FGD4: variants seen among roughly 807,000 people sequenced by gnomAD.
FGD4 encodes the protein FYVE, RhoGEF and PH domain-containing protein 4.
Under a neutral mutation model 102.0 loss-of-function variants are expected in FGD4, and 42 were observed. The ratio of observed to expected loss-of-function variants is 0.41; its 90% CI spans 0.32 to 0.53. The LOEUF (loss-of-function observed/expected upper bound fraction) is 0.53, where lower values mean the gene tolerates loss of function less well. FGD4 is among the 20% of genes least tolerant of loss of function. The probability of loss-of-function intolerance (pLI) is 0.21; values close to 1 mark genes in which losing one functional copy is unlikely to be tolerated. For missense variants in FGD4, 902 were observed against 1,078.2 expected (o/e 0.84, Z 2.29); for synonymous variants, 380 against 375.7 (o/e 1.01, Z -0.13).
intron 1 of FGD4, among the ~76,000 whole-genome samples, chr12:32,485,691 G>C (rs1458567187): frequency 6.6e-6 from 1 of 151,872 alleles, no homozygotes; most frequent in Non-Finnish European, 1.5e-5. Flanking sequence ...TGACCCACCC[G>C]CCTAGGCCTC....
At chr12:32,627,092 C>T (rs1424016910) in intron 14 of FGD4, among the ~76,000 whole-genome samples, 2 of 152,096 alleles carry the variant, frequency 1.3e-5, no homozygotes, top group African/African-American at 2.4e-5. Context: ...AGGTGATCCG[C>T]CCGCCTCGGC....
At chr12:32,481,104 G>T (rs2136545763) in intron 1 of FGD4, among the ~76,000 whole-genome samples, 1 of 129,008 alleles carries the variant, frequency 7.8e-6, no homozygotes, top group East Asian at 2.3e-4. Context: ...CTCCAGCCTG[G>T]GTGACAGAGT....
chr12:32,488,668 C>T (rs541664493), intron 1 of FGD4, among the ~76,000 whole-genome samples: 1 of 152,154 alleles, frequency 6.6e-6, no homozygotes, highest in Admixed American at 6.5e-5. Flanking sequence ...TGGCTGGGCA[C>T]GGTGGCTCAC....
intron 1 of FGD4, among the ~76,000 whole-genome samples, chr12:32,510,010 TAG>T (rs1939193297): frequency 6.6e-6 from 1 of 152,240 alleles, no homozygotes; most frequent in Non-Finnish European, 1.5e-5. Flanking sequence ...TTACCTTTGC[TAG>T]TCAGCTGTGG....
intron 1 of FGD4, among the ~76,000 whole-genome samples, chr12:32,441,332 G>A (rs1942428368): frequency 6.6e-6 from 1 of 152,012 alleles, no homozygotes; most frequent in Non-Finnish European, 1.5e-5. Context: ...TGGTTATTCA[G>A]CGTCTAAAGT....
At chr12:32,528,955 T>G (rs1443049083) in intron 1 of FGD4, among the ~76,000 whole-genome samples, 1 of 152,146 alleles carries the variant, frequency 6.6e-6, no homozygotes, top group Non-Finnish European at 1.5e-5. Flanking sequence ...TATTAATTAT[T>G]TTTAATATAA....
At chr12:32,522,283 A>C (rs1281974986) in intron 1 of FGD4, among the ~76,000 whole-genome samples, 1 of 152,194 alleles carries the variant, frequency 6.6e-6, no homozygotes, top group Non-Finnish European at 1.5e-5. Flanking sequence ...CGTAGAGTGG[A>C]TGATTTGCAA....
intron 1 of FGD4, among the ~76,000 whole-genome samples, chr12:32,475,147 C>T (rs1943553914): frequency 6.6e-6 from 1 of 152,138 alleles, no homozygotes; most frequent in Non-Finnish European, 1.5e-5. Flanking sequence ...GCCCTCATCT[C>T]CATCCCCTAG....
In FGD4 at chr12:32,413,191, A is replaced by G. The variant is rs796511341; in HGVS notation, c.166+13232A>G. ...AATACCTAATGTAGATGATGGTTTG[A>G]TAAGTGCAGCAAACCACCATAGCAC... On this transcript the variant is annotated intron_variant, in intron 1 of 16. Transcript: ENST00000534526. Among the ~76,000 whole-genome samples the G allele has an allele frequency of 1.5e-4, 23 of 152,178 alleles. No individual in the cohort carries two copies. The East Asian group carries it at 4.0e-3, about 27-fold the overall frequency.
At chr12:32,487,996 C>A (rs1206093018) in intron 1 of FGD4, among the ~76,000 whole-genome samples, 1 of 152,138 alleles carries the variant, frequency 6.6e-6, no homozygotes, top group Non-Finnish European at 1.5e-5. Flanking sequence ...GCAGGTTCTT[C>A]TATGTTCCAA....
Position 32,526,537 on chromosome 12 carries a change from G to A in FGD4, c.167-37600G>A, listed in dbSNP as rs561042982. Among the ~76,000 whole-genome samples, 17 of 152,266 alleles carry A rather than the reference G, an allele frequency of 1.1e-4. No individual in the cohort carries two copies. The East Asian group carries it at 1.5e-3, about 14-fold the overall frequency. On this transcript the variant is annotated intron_variant, in intron 1 of 16. Coordinates refer to ENST00000534526, the MANE Select transcript of FGD4 (RefSeq NM_001370298.3). ...TAAACGCACCAATCAGCGCCCTGAC[G>A]AAACAGGCCACTCGGTCCTACCAAT... is the stretch of plus-strand genomic sequence containing the variant.
intron 1 of FGD4, among the ~76,000 whole-genome samples, chr12:32,476,975 G>GT (rs1943598792): frequency 6.6e-6 from 1 of 152,154 alleles, no homozygotes; most frequent in Non-Finnish European, 1.5e-5. Context: ...TTGGTGAAAA[G>GT]TAATTGTTTA....
Position 32,641,898 on chromosome 12 carries a change from T to C in FGD4, c.*1365T>C, listed in dbSNP as rs927175650. 1 of 152,174 alleles carries C rather than the reference T, an allele frequency of 6.6e-6. No homozygotes were observed. Among genetic ancestry groups the C allele is most frequent in the East Asian group, 1.9e-4 (1 of 5,206 alleles). The allele number at this position is 152,174 out of a possible 1,614,324, so 9.4% of individuals were successfully genotyped here. ...ACACTAAGTTTACTATTTAACTTAA[T>C]CCTTTTTCTCAAATTAAACCTTTTT... On this transcript the variant is annotated 3_prime_UTR_variant, in exon 17 of 17. Coordinates refer to ENST00000534526, the MANE Select transcript of FGD4 (RefSeq NM_001370298.3).
At chr12:32,589,455 A>G (rs1412589846) in intron 4 of FGD4, among the ~76,000 whole-genome samples, 1 of 152,238 alleles carries the variant, frequency 6.6e-6, no homozygotes, top group Admixed American at 6.5e-5. Context: ...CTGACTTAAC[A>G]GAATTAACAT....
intron 1 of FGD4, among the ~76,000 whole-genome samples, chr12:32,411,338 A>G (rs1941199670): frequency 6.6e-6 from 1 of 151,940 alleles, no homozygotes; most frequent in South Asian, 2.1e-4. Context: ...AGTTGAGACC[A>G]GCCTGACCAA....
chr12:32,566,804 A>AC (rs758257310), intron 2 of FGD4, among the ~76,000 whole-genome samples: 58 of 152,070 alleles, frequency 3.8e-4, no homozygotes, highest in Admixed American at 7.9e-4. Context: ...AGGAATTATC[A>AC]CCCCCGACAC....
intron 1 of FGD4, among the ~76,000 whole-genome samples, chr12:32,478,326 G>A (rs973081952): frequency 6.6e-6 from 1 of 152,058 alleles, no homozygotes; most frequent in African/African-American, 2.4e-5. Context: ...GGAGTGCCAC[G>A]ATCTCGGCTT....
At chr12:32,611,520 G>C (rs904085310) in intron 10 of FGD4, among the ~76,000 whole-genome samples, 1 of 152,140 alleles carries the variant, frequency 6.6e-6, no homozygotes, top group Non-Finnish European at 1.5e-5. Context: ...AACCTGGGAA[G>C]TGAGCTGGTT....
chr12:32,462,976 C>A (rs978263391), intron 1 of FGD4, among the ~76,000 whole-genome samples: 1 of 152,182 alleles, frequency 6.6e-6, no homozygotes, highest in East Asian at 1.9e-4. Context: ...TAATTTCTTG[C>A]AATTTTTAGA....
Sources: allele counts gnomAD v4.1 joint callset (sites outside exome capture counted in the v4.1 genomes callset), GRCh38; gene constraint gnomAD v4.1.1; transcripts MANE v1.5; gene names NCBI Gene and HGNC (gene_info 2026-07-23, HGNC 2026-07-21).